The following HS3ST6 variants were observed in gnomAD, a reference collection of about 807,000 sequenced individuals.
HS3ST6 encodes the protein heparan sulfate glucosamine 3-O-sulfotransferase 6.
In HS3ST6, 13 loss-of-function variants were observed where a neutral mutation model predicts 11.0. The ratio of observed to expected loss-of-function variants is 1.18; its 90% CI spans 0.77 to 1.88. The LOEUF (loss-of-function observed/expected upper bound fraction) is 1.88, where lower values mean the gene tolerates loss of function less well. Among genes scored for constraint, HS3ST6 ranks in the 40% most tolerant of loss-of-function variants. The pLI is 0.00. For missense variants in HS3ST6, 541 were observed against 494.4 expected (o/e 1.09, Z -0.89); for synonymous variants, 232 against 230.6 (o/e 1.01, Z -0.06).
In HS3ST6 at chr16:1,912,125, C is replaced by T. The variant is rs367587631; in HGVS notation, c.494G>A (p.Arg165His). The change falls in exon 2 of 2, where the codon CGC (arginine) becomes CAC (histidine). Residue 165 changes from arginine to histidine, a missense_variant. Physicochemically the swap from Arg to His is conservative, Grantham distance 29 (BLOSUM62 0). Coordinates refer to ENST00000454677, the MANE Select transcript of HS3ST6 (RefSeq NM_001009606.4). The surrounding 1 kb of genome is among the most constrained non-coding windows in gnomAD (Gnocchi z 5.6). ...PSYFVTREAP[R>H]RIHAMSPDTK... ...GTCCGGGGACATGGCGTGGATGCGG[C>T]GGGGGGCCTCTCGCGTCACGAAGTA... is the stretch of plus-strand genomic sequence containing the variant. 1.3e-5 allele frequency: 19 copies of T among 1,499,252 alleles called. No individual in the cohort carries two copies. In the African/African-American group the frequency reaches 1.7e-4, roughly 13 times the overall value. The allele number at this position is 1,499,252 out of a possible 1,614,324, so 92.9% of individuals were successfully genotyped here. A position where few individuals can be genotyped will look rare whatever the true frequency, so the allele number is the denominator to read the frequency against.
At chr16:1,913,482 G>A (rs2082905898) in intron 1 of HS3ST6, among the ~76,000 whole-genome samples, 1 of 152,224 alleles carries the variant, frequency 6.6e-6, no homozygotes, top group African/African-American at 2.4e-5. Flanking sequence ...CTGCCAGCCA[G>A]GTAGTGCAGG....
chr16:1,918,681 C>G (rs1427268378), upstream of HS3ST6, among the ~76,000 whole-genome samples: 1 of 151,798 alleles, frequency 6.6e-6, no homozygotes, highest in Non-Finnish European at 1.5e-5. This position sits in a 1 kb window ranked among gnomAD's most constrained non-coding sequence, Gnocchi z 6.0. Flanking sequence ...CGGCGGTGGC[C>G]GTTCGGGACG....
At chr16:1,918,842 G>A (rs1023215007), upstream of HS3ST6, among the ~76,000 whole-genome samples, 7 of 152,142 alleles carry the variant, frequency 4.6e-5, no homozygotes, top group African/African-American at 1.7e-4. This position sits in a 1 kb window ranked among gnomAD's most constrained non-coding sequence, Gnocchi z 6.0. Context: ...CAGGCCAAGG[G>A]GACCCAGGAA....
chr16:1,914,546 G>A (rs995889330), intron 1 of HS3ST6, among the ~76,000 whole-genome samples: 7 of 152,144 alleles, frequency 4.6e-5, no homozygotes, highest in South Asian at 2.1e-4. Context: ...GGCACCAAGC[G>A]AGACCAGGAG....
At chr16:1,913,077 C>T (rs2082902258) in intron 1 of HS3ST6, among the ~76,000 whole-genome samples, 1 of 152,214 alleles carries the variant, frequency 6.6e-6, no homozygotes, top group African/African-American at 2.4e-5. Context: ...CAGACGTGAG[C>T]CACTGCGGCT....
Position 1,917,930 on chromosome 16 carries a change from G to A in HS3ST6, c.394C>T (p.Arg132Cys). Residue 132 changes from arginine to cysteine, a missense_variant, in exon 1 of 2, where the codon CGC (arginine) becomes TGC (cysteine). Transcript: ENST00000454677. ...EPHFFDRCYE[R>C]GLAWYRSLMP... ...GCTCACCGGTACCAGGCGAGGCCGC[G>A]CTCGTAGCACCTGTCGAAGAAGTGG... 6.7e-7 allele frequency: 1 copy of A among 1,488,398 alleles called. No individual in the cohort carries two copies. Among genetic ancestry groups the A allele is most frequent in the Non-Finnish European group, 8.9e-7 (1 of 1,121,566 alleles). 92.2% of individuals were successfully genotyped at this position (1,488,398 alleles called of 1,614,324 possible).
upstream of HS3ST6, among the ~76,000 whole-genome samples, chr16:1,919,852 C>T (rs886625259): frequency 3.9e-5 from 6 of 152,246 alleles, no homozygotes; most frequent in Admixed American, 2.0e-4. Flanking sequence ...GCAGGAGCCC[C>T]GTGGGCAGGC....
At position 1,917,815 on chromosome 16, in the gene HS3ST6, T is replaced by C. The variant is rs535128293; in HGVS notation, c.413+96A>G. 265 of 1,014,894 alleles carry C rather than the reference T, an allele frequency of 2.6e-4. 1 individual carries two copies. In the Admixed American group the frequency reaches 4.2e-3, roughly 16 times the overall value. 62.9% of individuals were successfully genotyped at this position (1,014,894 alleles called of 1,614,324 possible). A position where few individuals can be genotyped will look rare whatever the true frequency, so the allele number is the denominator to read the frequency against. On this transcript the variant is annotated intron_variant, in intron 1 of 1. Transcript: ENST00000454677. ...CCCACTGCCCGGAGCGCACCCCTGC[T>C]CCCTGGGAGGCAGGATATCGTGCCG...
chr16:1,913,058 C>G lies in HS3ST6; in HGVS notation c.414-853G>C, dbSNP rs553813972. 3.3e-5 allele frequency among the ~76,000 whole-genome samples: 5 copies of G among 152,202 alleles called. No homozygotes were observed. In the East Asian group the frequency reaches 9.6e-4, roughly 29 times the overall value. On this transcript the variant is annotated intron_variant, in intron 1 of 1. Transcript: ENST00000454677. ...CCGCCTGCCTCAGCCTCCCAAAGTG[C>G]TGGGATTACAGACGTGAGCCACTGC...
At chr16:1,920,390 TC>T (rs1309809072), upstream of HS3ST6, among the ~76,000 whole-genome samples, 1 of 145,620 alleles carries the variant, frequency 6.9e-6, no homozygotes, top group African/African-American at 2.6e-5. Flanking sequence ...GTCTCAGGAG[TC>T]CCCACAGGTT....
chr16:1,917,635 C>T lies in HS3ST6; in HGVS notation c.413+276G>A, dbSNP rs79340228. On this transcript the variant is annotated intron_variant, in intron 1 of 1. Coordinates refer to ENST00000454677, the MANE Select transcript of HS3ST6 (RefSeq NM_001009606.4). ...GACCTCTGGGCTGGGAAGCCACCGC[C>T]TCCCCCAGTCCTGCTGGGTCCCTCA... 4.5e-3 allele frequency among the ~76,000 whole-genome samples: 685 copies of T among 152,324 alleles called. 11 individuals are homozygous for T. The highest frequency in any genetic ancestry group is 0.031 in the East Asian group (158 of 5,172).
chr16:1,911,630 C>G lies in HS3ST6; in HGVS notation c.989G>C (p.Arg330Thr), dbSNP rs771918206. 1 of 1,608,840 alleles carries G rather than the reference C, an allele frequency of 6.2e-7. No homozygotes were observed. The highest frequency in any genetic ancestry group is 2.2e-5 in the East Asian group (1 of 44,676). ...GTCCTGGCCCGTCATCTGGTAGAAC[C>G]TGCGGTTGAAGGGCCGGTAGAACTC... ...LQEFYRPFNR[R>T]FYQMTGQDFG... is the part of the protein sequence containing the mutation. The change falls in exon 2 of 2, where the codon AGG (arginine) becomes ACG (threonine). Residue 330 changes from arginine to threonine, a missense_variant. Coordinates refer to ENST00000454677, the MANE Select transcript of HS3ST6 (RefSeq NM_001009606.4).
intron 1 of HS3ST6, among the ~76,000 whole-genome samples, chr16:1,916,983 C>T (rs889972595): frequency 6.6e-6 from 1 of 152,066 alleles, no homozygotes; most frequent in African/African-American, 2.4e-5. Context: ...CCCACACTGG[C>T]ACCAGCCCTT....
chr16:1,917,824 G>A, intron 1 of HS3ST6, 87 bp downstream of exon 1: 1 of 1,075,048 alleles, frequency 9.3e-7, no homozygotes. Flanking sequence ...CTCCCTGGGA[G>A]GCAGGATATC....
chr16:1,920,535 C>T (rs2082958706), upstream of HS3ST6, among the ~76,000 whole-genome samples: 1 of 152,216 alleles, frequency 6.6e-6, no homozygotes, highest in South Asian at 2.1e-4. Flanking sequence ...CCTCCAGCCC[C>T]CTGCCCAGCC....
upstream of HS3ST6, among the ~76,000 whole-genome samples, chr16:1,919,543 G>A (rs531254820): frequency 4.9e-4 from 75 of 152,356 alleles, 1 homozygote; most frequent in African/African-American, 9.6e-5. Flanking sequence ...AGGCAGGCAC[G>A]GCACAGGCTC....
upstream of HS3ST6, among the ~76,000 whole-genome samples, chr16:1,919,468 G>A (rs1028800140): frequency 6.6e-6 from 1 of 152,230 alleles, no homozygotes; most frequent in Non-Finnish European, 1.5e-5. Context: ...GAAGGCAAAG[G>A]TGGTATGAGA....
intron 1 of HS3ST6, among the ~76,000 whole-genome samples, chr16:1,915,079 CGCAGATGCCAAAAGGGCCTG>C (rs796557638): frequency 7.2e-5 from 11 of 152,216 alleles, no homozygotes; most frequent in African/African-American, 2.6e-4. Context: ...GCCTGGGACT[CGCAGATGCCAAAAGGGCCTG>C]GCAGATGCCA....
chr16:1,919,529 C>T (rs961725612), upstream of HS3ST6, among the ~76,000 whole-genome samples: 5 of 152,236 alleles, frequency 3.3e-5, no homozygotes, highest in South Asian at 2.1e-4. Flanking sequence ...ACAGGGCTGG[C>T]GCCAGGCAGG....
Sources: allele counts gnomAD v4.1 joint callset (sites outside exome capture counted in the v4.1 genomes callset), GRCh38; gene constraint gnomAD v4.1.1; non-coding constraint Gnocchi (gnomAD v3.1); transcripts MANE v1.5; gene names NCBI Gene and HGNC (gene_info 2026-07-23, HGNC 2026-07-21).